PCM1: variants seen among roughly 807,000 people sequenced by gnomAD.
PCM1 encodes pericentriolar material 1 protein.
In PCM1, 157 loss-of-function variants were observed where a neutral mutation model predicts 241.9. That is an observed-to-expected ratio of 0.65 (90% CI 0.57 to 0.74). The LOEUF is 0.74. Among genes scored for constraint, PCM1 ranks in the 30% least tolerant of loss-of-function variants. The pLI, the probability that PCM1 is intolerant of heterozygous loss-of-function variation, is 0.00. For synonymous variants in PCM1, 1,085 were observed against 784.9 expected (o/e 1.38, Z -6.39); for missense variants, 3,478 against 2,360.1 (o/e 1.47, Z -9.81).
chr8:17,981,593 C>A (rs1489687922), intron 24 of PCM1, among the ~76,000 whole-genome samples: 1 of 151,982 alleles, frequency 6.6e-6, no homozygotes, highest in East Asian at 1.9e-4. Flanking sequence ...AATCTAGTAG[C>A]TTTCATTGAC....
At chr8:17,966,526 A>G in intron 20 of PCM1, 53 bp downstream of exon 20, 9 of 1,509,766 alleles carry the variant, frequency 6.0e-6, no homozygotes, top group Non-Finnish European at 8.2e-6. Flanking sequence ...CATTGAGCAG[A>G]GGTTTTACAG....
At chr8:18,011,947 A>G (rs1424820024) in intron 34 of PCM1, 120 bp downstream of exon 34, 3 of 863,614 alleles carry the variant, frequency 3.5e-6, no homozygotes, top group Non-Finnish European at 5.4e-6. Context: ...CATGAATGCA[A>G]GCCTCATTAA....
intron 21 of PCM1, among the ~76,000 whole-genome samples, chr8:17,969,097 A>G (rs1335255491): frequency 6.6e-6 from 1 of 152,136 alleles, no homozygotes; most frequent in Non-Finnish European, 1.5e-5. Flanking sequence ...ATTTAATTAT[A>G]TTCTACTTTC....
intron 28 of PCM1, among the ~76,000 whole-genome samples, 167 bp from the exon 29 acceptor site, chr8:17,993,316 T>G (rs3850749): frequency 0.11 from 16,002 of 152,180 alleles, 1,169 homozygotes; most frequent in East Asian, 0.39. Flanking sequence ...GTGGTTTTAT[T>G]ACTACTTTAT....
chr8:17,983,998 C>G (rs1356185851), intron 24 of PCM1, among the ~76,000 whole-genome samples: 1 of 151,942 alleles, frequency 6.6e-6, no homozygotes, highest in Non-Finnish European at 1.5e-5. Context: ...TTAGAGAAAC[C>G]TGATTAAGAT....
rs117776347 is a variant in PCM1, at chr8:17,949,344, C to G, written c.962-1271C>G. 9.3e-3 allele frequency among the ~76,000 whole-genome samples: 1,419 copies of G among 152,066 alleles called. 16 individuals carry two copies. Among genetic ancestry groups the G allele is most frequent in the Non-Finnish European group, 0.012 (806 of 67,974 alleles). ...CTTTCACCATTTAACTAACAAGTTA[C>G]ATATAATTACTGTAATTTCTTTCTT... On this transcript the variant is annotated intron_variant, in intron 7 of 38. Transcript: ENST00000325083.
In PCM1 at chr8:17,957,335, G is replaced by T; in HGVS notation, c.1718G>T (p.Arg573Ile). 6.2e-7 allele frequency: 1 copy of T among 1,611,586 alleles called. No homozygotes were observed. The change falls in exon 12 of 39, where the codon AGA becomes ATA. Residue 573 changes from arginine (R) to isoleucine (I), a missense_variant. By Grantham distance (97) the Arg-to-Ile change is moderately conservative. Transcript: ENST00000325083. ...HSNAQCVSNN[R>I]DGRTVNSNCE... ...AATGCACAGTGTGTTTCTAATAATA[G>T]AGATGGGCGAACAGTTAATTCTAAT...
intron 17 of PCM1, among the ~76,000 whole-genome samples, chr8:17,964,019 T>C (rs2073780662): frequency 6.6e-6 from 1 of 152,194 alleles, no homozygotes; most frequent in Non-Finnish European, 1.5e-5. Flanking sequence ...TTCTACAGAG[T>C]TCTTCAGATA....
chr8:17,989,975 T>C lies in PCM1; in HGVS notation c.4527T>C (p.Asp1509=). The C allele has an allele frequency of 1.3e-6, 2 of 1,531,174 alleles. No individual in the cohort carries two copies. Among genetic ancestry groups the C allele is most frequent in the Non-Finnish European group, 1.8e-6 (2 of 1,138,132 alleles). 94.8% of individuals were successfully genotyped at this position (1,531,174 alleles called of 1,614,324 possible). ...ATTTTGAGCCTTTTGCAACAGATGA[T>C]CTAGGTAAGCAGAATTGTTTATAAT... is the stretch of plus-strand genomic sequence containing the variant. ...SSNFEPFATD[D]LGNTVIHLDQ... Residue 1509 remains aspartate, a synonymous_variant, in exon 27 of 39, where the codon GAT becomes GAC. Coordinates refer to ENST00000325083, the MANE Select transcript of PCM1 (RefSeq NM_006197.4).
chr8:17,950,527 CTT>C (rs1483931437), intron 7 of PCM1, 86 bp from the exon 8 acceptor site: 7 of 711,538 alleles, frequency 9.8e-6, no homozygotes, highest in Non-Finnish European at 1.6e-5. Flanking sequence ...TTTTTAAATT[CTT>C]TTTTTAAATT....
intron 6 of PCM1, among the ~76,000 whole-genome samples, chr8:17,943,930 A>G (rs558295763): frequency 1.3e-5 from 2 of 152,310 alleles, no homozygotes; most frequent in South Asian, 4.1e-4. Flanking sequence ...ATATGAAATG[A>G]TTGATATTCT....
At chr8:17,993,746 T>C (rs1196706967) in intron 29 of PCM1, 127 bp downstream of exon 29, 2 of 667,478 alleles carry the variant, frequency 3.0e-6, no homozygotes, top group Non-Finnish European at 4.8e-6. Context: ...TCACCCATAA[T>C]TTTTTCACCC....
intron 35 of PCM1, 72 bp downstream of exon 35, chr8:18,014,108 A>ACAC: frequency 7.2e-6 from 6 of 834,660 alleles, no homozygotes; most frequent in Non-Finnish European, 1.1e-5. Flanking sequence ...AAAAAAAAAA[A>ACAC]AAACACACAC....
At chr8:17,948,884 A>G (rs1442593769) in intron 7 of PCM1, among the ~76,000 whole-genome samples, 2 of 152,186 alleles carry the variant, frequency 1.3e-5, no homozygotes, top group Non-Finnish European at 2.9e-5. Flanking sequence ...AACTTGCATA[A>G]TCTCCTTTGA....
chr8:17,975,665 C>G (rs978661505), intron 23 of PCM1, among the ~76,000 whole-genome samples: 1 of 152,130 alleles, frequency 6.6e-6, no homozygotes, highest in African/African-American at 2.4e-5. Flanking sequence ...GCCAGTTATA[C>G]TGTCCCATAC....
chr8:17,993,627 A>G lies in PCM1; in HGVS notation c.4827+8A>G, dbSNP rs1220742523. ...GTCATTCCTTTTTTGAAGGTAAGCA[A>G]TTATTTTAAAAAATAAACGAAACCT... On this transcript the variant is annotated splice_region_variant and intron_variant, in intron 29 of 38. Coordinates refer to ENST00000325083, the MANE Select transcript of PCM1 (RefSeq NM_006197.4). The G allele has an allele frequency of 6.4e-6, 10 of 1,566,460 alleles. No homozygotes were observed. The highest frequency in any genetic ancestry group is 2.7e-5 in the African/African-American group (2 of 73,470).
At chr8:17,987,165 A>C (rs1030985961) in intron 26 of PCM1, among the ~76,000 whole-genome samples, 1 of 151,870 alleles carries the variant, frequency 6.6e-6, no homozygotes, top group Non-Finnish European at 1.5e-5. Flanking sequence ...GTGAAATGTA[A>C]ATTAGTGTCA....
chr8:17,985,300 T>G (rs545720826), intron 24 of PCM1, 147 bp from the exon 25 acceptor site: 26 of 532,620 alleles, frequency 4.9e-5, no homozygotes, highest in African/African-American at 3.6e-4. Flanking sequence ...ATATTAAGCT[T>G]CTTTTCTACT....
chr8:18,007,769 G>C (rs745867453), intron 30 of PCM1, among the ~76,000 whole-genome samples: 7 of 152,106 alleles, frequency 4.6e-5, no homozygotes, highest in Non-Finnish European at 4.4e-5. Context: ...ACCCGTTCAA[G>C]AATTGTTTTT....
Sources: gnomAD v4.1 joint callset for allele counts (sites outside exome capture counted in the v4.1 genomes callset) on GRCh38, gnomAD v4.1.1 for gene constraint, MANE v1.5 for transcripts, NCBI Gene and HGNC (gene_info 2026-07-23, HGNC 2026-07-21) for gene names.